Variants in RNF6 observed in about 807,000 individuals in gnomAD.
RNF6 encodes E3 ubiquitin-protein ligase RNF6.
A neutral mutation model predicts 50.1 loss-of-function variants in RNF6; 21 were observed. The ratio of observed to expected loss-of-function variants is 0.42; its 90% CI spans 0.30 to 0.60. RNF6 has a LOEUF of 0.60. Among genes scored for constraint, RNF6 ranks in the 20% least tolerant of loss-of-function variants. RNF6 has a pLI of 0.20. For missense variants in RNF6, 698 were observed against 838.2 expected (o/e 0.83, Z 2.07); for synonymous variants, 255 against 291.8 (o/e 0.87, Z 1.29).
intron 4 of RNF6, among the ~76,000 whole-genome samples, chr13:26,217,765 T>C (rs1015460535): frequency 2.0e-5 from 3 of 152,364 alleles, no homozygotes; most frequent in African/African-American, 7.2e-5. Context: ...TTAATTTCCA[T>C]TTAAATAGTC....
At chr13:26,141,861 A>G (rs930827548) in intron 5 of RNF6, among the ~76,000 whole-genome samples, 6 of 152,178 alleles carry the variant, frequency 3.9e-5, no homozygotes, top group African/African-American at 1.4e-4. Flanking sequence ...TTTGGTCAAA[A>G]ACGAAAATTG....
rs770654014 is a variant in RNF6 at position 26,213,901 on chromosome 13, G to A, written c.1981C>T (p.Arg661Ter). ...MHEFHIHCID[R>*]WLSENCTCPI... ...CAAGTGCAATTCTCTGAGAGCCATCGGTCAATACAATGAATGTGAAATTCA... is the reference window on the plus strand; with the variant it reads ...CAAGTGCAATTCTCTGAGAGCCATCAGTCAATACAATGAATGTGAAATTCA... Residue 661 changes from arginine (R) to a stop codon, truncating the protein, a stop_gained, in exon 5 of 5, where the codon CGA becomes TGA. Transcript: ENST00000381588. LOFTEE classifies it high-confidence loss of function. 4 of 1,614,060 alleles carry A rather than the reference G, an allele frequency of 2.5e-6. No individual in the cohort carries two copies. The highest frequency in any genetic ancestry group is 3.4e-6 in the Non-Finnish European group (4 of 1,179,972).
chr13:26,144,855 G>T (rs191350920), intron 5 of RNF6: 1 of 152,352 alleles, frequency 6.6e-6, no homozygotes. Flanking sequence ...TTCAGGGCCT[G>T]CTTGGCCCAA....
rs1166096727 is a variant in RNF6, at chr13:26,215,456, C to T, written c.426G>A (p.Pro142=). The T allele has an allele frequency of 1.1e-5, 17 of 1,614,030 alleles. No individual in the cohort carries two copies. The African/African-American group carries it at 1.1e-4, about 10-fold the overall frequency. Residue 142 remains proline (P), a synonymous_variant, in exon 5 of 5, where the codon CCG becomes CCA. Transcript: ENST00000381588. ...QTWRAVSRTN[P]NNGEFRFSLE... ...AACTAAACCGAAACTCTCCATTGTTCGGGTTTGTTCGACTCACAGCTCTCC... is the reference window on the plus strand; with the variant it reads ...AACTAAACCGAAACTCTCCATTGTTTGGGTTTGTTCGACTCACAGCTCTCC...
At chr13:26,188,621 A>C (rs1406491409) in intron 5 of RNF6, among the ~76,000 whole-genome samples, 1 of 64,392 alleles carries the variant, frequency 1.6e-5, no homozygotes, top group Non-Finnish European at 2.8e-5. Flanking sequence ...AAGTCAAAAG[A>C]GCTTTTTTTT....
chr13:26,215,388 T>C lies in RNF6; in HGVS notation c.494A>G (p.His165Arg), dbSNP rs759203540. The change falls in exon 5 of 5, where the codon CAT becomes CGT. Residue 165 changes from histidine (H) to arginine (R), a missense_variant. His to Arg is a conservative substitution (Grantham distance 29). Transcript: ENST00000381588. ...TGGAATGTCTGTATAATCTTCTCCATGAATTTCAAATCCTCTATTTTCATG... is the reference window on the plus strand; with the variant it reads ...TGGAATGTCTGTATAATCTTCTCCACGAATTTCAAATCCTCTATTTTCATG... ...VNHENRGFEI[H>R]GEDYTDIPLS... 4 of 1,614,118 alleles carry C rather than the reference T, an allele frequency of 2.5e-6. No homozygotes were observed. The highest frequency in any genetic ancestry group is 4.5e-5 in the East Asian group (2 of 44,902).
chr13:26,143,160 T>C (rs1197217820), intron 5 of RNF6, among the ~76,000 whole-genome samples: 1 of 152,194 alleles, frequency 6.6e-6, no homozygotes, highest in Non-Finnish European at 1.5e-5. Context: ...AGCTTTATTC[T>C]TAAAGGATCT....
chr13:26,156,700 A>T (rs2137598196), intron 5 of RNF6, among the ~76,000 whole-genome samples: 1 of 152,360 alleles, frequency 6.6e-6, no homozygotes, highest in East Asian at 1.9e-4. Flanking sequence ...TAAATAACTG[A>T]AATAAAAACA....
rs146636642 is a variant in RNF6, at chr13:26,175,150, G to A, written n.768+40324C>T. On this transcript the variant is annotated intron_variant and non_coding_transcript_variant, in intron 5 of 5. Coordinates refer to the RNF6 transcript ENST00000468480. ...GGCTGGAGTGCAATGGCGTGATCTC[G>A]GCTCACTGCAACCTCCACCTCCCAG... Among the ~76,000 whole-genome samples, 422 of 152,074 alleles carry A rather than the reference G, an allele frequency of 2.8e-3. 8 individuals are homozygous for A. The East Asian group carries it at 0.047, about 17-fold the overall frequency.
chr13:26,190,183 A>G (rs1470468763), intron 5 of RNF6, among the ~76,000 whole-genome samples: 1 of 152,150 alleles, frequency 6.6e-6, no homozygotes, highest in Non-Finnish European at 1.5e-5. Flanking sequence ...ATCTCTGACC[A>G]TTCTTCACAT....
Position 26,219,662 on chromosome 13 carries a change from G to T in RNF6, c.-13C>A. The T allele has an allele frequency of 6.2e-7, 1 of 1,610,892 alleles. No individual in the cohort carries two copies. Among genetic ancestry groups the T allele is most frequent in the South Asian group, 1.1e-5 (1 of 90,842 alleles). ...TAGACTGATTCATCCTGAGATTCCT[G>T]GCTTTCTGTTCAAACAATATAAACA... is the stretch of plus-strand genomic sequence containing the variant. On this transcript the variant is annotated 5_prime_UTR_variant, in exon 3 of 5. Transcript: ENST00000381588.
Position 26,196,687 on chromosome 13 carries a change from G to A in RNF6, n.768+18787C>T, listed in dbSNP as rs188176507. Reference sequence around the variant, plus strand: ...AAACATTTTCAGATAACAAAAAGCTGGGAGAATCTGCCACTAGTAGTTCTG... The same window carrying A: ...AAACATTTTCAGATAACAAAAAGCTAGGAGAATCTGCCACTAGTAGTTCTG... On this transcript the variant is annotated intron_variant and non_coding_transcript_variant, in intron 5 of 5. Coordinates refer to the RNF6 transcript ENST00000468480. Among the ~76,000 whole-genome samples the A allele has an allele frequency of 4.6e-5, 7 of 151,800 alleles. No individual in the cohort carries two copies. In the East Asian group the frequency reaches 1.2e-3, roughly 25 times the overall value.
intron 5 of RNF6, among the ~76,000 whole-genome samples, chr13:26,143,405 G>C (rs1286105868): frequency 1.3e-5 from 2 of 152,226 alleles, no homozygotes; most frequent in Non-Finnish European, 2.9e-5. Flanking sequence ...AGCCCAAAGT[G>C]GCCATATGGC....
At chr13:26,157,267 A>T (rs1871976722) in intron 5 of RNF6, among the ~76,000 whole-genome samples, 2 of 152,274 alleles carry the variant, frequency 1.3e-5, no homozygotes, top group Admixed American at 6.5e-5. Flanking sequence ...AAATTAATAA[A>T]TTTTAAAAAT....
intron 5 of RNF6, among the ~76,000 whole-genome samples, chr13:26,142,658 G>A (rs1263570532): frequency 6.7e-6 from 1 of 149,842 alleles, no homozygotes; most frequent in Non-Finnish European, 1.5e-5. Context: ...TCTTATAAGT[G>A]AGAACTAAAT....
At chr13:26,187,276 G>A (rs894681050) in intron 5 of RNF6, among the ~76,000 whole-genome samples, 9 of 131,908 alleles carry the variant, frequency 6.8e-5, no homozygotes, top group African/African-American at 2.3e-4. Context: ...ATAGAAAGGG[G>A]GAAAGCCCTG....
chr13:26,173,478 T>C (rs1872799113), intron 5 of RNF6, among the ~76,000 whole-genome samples: 2 of 152,168 alleles, frequency 1.3e-5, no homozygotes, highest in Non-Finnish European at 1.5e-5. Context: ...ATGTACTCTA[T>C]TGAGTCATTT....
intron 5 of RNF6, among the ~76,000 whole-genome samples, chr13:26,148,266 C>A (rs912990903): frequency 6.6e-6 from 1 of 152,156 alleles, no homozygotes; most frequent in South Asian, 2.1e-4. Flanking sequence ...CTACCAGGTC[C>A]CTTCTTTGAC....
chr13:26,220,116 A>C (rs560973577), intron 2 of RNF6, among the ~76,000 whole-genome samples: 43 of 152,364 alleles, frequency 2.8e-4, no homozygotes, highest in African/African-American at 8.4e-4. Flanking sequence ...GTTTTCAGCA[A>C]GGTATTCTTT....
Sources: gnomAD v4.1 joint callset for allele counts (sites outside exome capture counted in the v4.1 genomes callset) on GRCh38, gnomAD v4.1.1 for gene constraint, MANE v1.5 for transcripts, NCBI Gene and HGNC (gene_info 2026-07-23, HGNC 2026-07-21) for gene names.